Variants in TTC13 observed in about 807,000 individuals in gnomAD.
TTC13 encodes the protein tetratricopeptide repeat domain 13, also known as tetratricopeptide repeat protein 13.
TTC13 carries 62 observed loss-of-function variants against 120.0 expected under a neutral mutation model. That is an observed-to-expected ratio of 0.52 (90% CI 0.42 to 0.64). TTC13 has a LOEUF of 0.64. TTC13 is among the 30% of genes least tolerant of loss of function. TTC13 has a pLI of 0.00. For missense variants in TTC13, 824 were observed against 1,050.2 expected (o/e 0.78, Z 2.98); for synonymous variants, 384 against 393.5 (o/e 0.98, Z 0.28).
intron 4 of TTC13, among the ~76,000 whole-genome samples, chr1:230,952,483 C>T (rs540421839): frequency 3.9e-5 from 6 of 152,180 alleles, no homozygotes; most frequent in Admixed American, 2.0e-4. Context: ...GTCTGAACTG[C>T]GAGCAAAGCA....
At position 230,924,903 on chromosome 1, in the gene TTC13, C is replaced by G. The variant is rs1672917906; in HGVS notation, c.1659G>C (p.Met553Ile). The G allele has an allele frequency of 6.2e-7, 1 of 1,614,110 alleles. No homozygotes were observed. The highest frequency in any genetic ancestry group is 1.3e-5 in the African/African-American group (1 of 74,938). Residue 553 changes from methionine (M) to isoleucine (I), a missense_variant, in exon 14 of 23, where the codon ATG (methionine) becomes ATC (isoleucine). Met to Ile is a conservative substitution (Grantham distance 10). Coordinates refer to ENST00000366661, the MANE Select transcript of TTC13 (RefSeq NM_024525.5). ...QRTWTNSKVRMNGKTRLMQWR... is the reference protein window; with the variant it reads ...QRTWTNSKVRINGKTRLMQWR... Reference sequence around the variant, plus strand: ...ACTGCATCAACCGTGTCTTCCCATTCATTCGAACTTTCGAGTTGGTCCATG... The same window carrying G: ...ACTGCATCAACCGTGTCTTCCCATTGATTCGAACTTTCGAGTTGGTCCATG...
rs762634492 is a variant in TTC13, at chr1:230,924,965, A to G, written c.1597T>C (p.Leu533=). 6.2e-7 allele frequency: 1 copy of G among 1,614,198 alleles called. No individual in the cohort carries two copies. Among genetic ancestry groups the G allele is most frequent in the Non-Finnish European group, 8.5e-7 (1 of 1,180,032 alleles). The change falls in exon 14 of 23, where the codon TTG becomes CTG. Residue 533 remains leucine (L), a synonymous_variant. Transcript: ENST00000366661. The stretch of plus-strand genomic sequence containing the variant: ...GCTTGCATGACCTCCAATGCGGCCA[A>G]ACCCATAGCTACGAGAAAGGAATAT... ...PNKRIHRAMG[L]AALEVMQAVQ...
intron 11 of TTC13, among the ~76,000 whole-genome samples, chr1:230,930,033 C>A (rs911594224): frequency 6.6e-6 from 1 of 152,214 alleles, no homozygotes; most frequent in African/African-American, 2.4e-5. Flanking sequence ...CAAACTGATA[C>A]TTGATTCAAT....
chr1:230,925,374 T>A (rs1672962600), intron 13 of TTC13, 143 bp downstream of exon 13: 2 of 1,008,032 alleles, frequency 2.0e-6, no homozygotes, highest in Non-Finnish European at 2.9e-6. Context: ...TCAGTTTGAA[T>A]GATTCTACAC....
chr1:230,958,264 G>T lies in TTC13; in HGVS notation c.402C>A (p.Phe134Leu). The T allele has an allele frequency of 6.2e-7, 1 of 1,609,606 alleles. No homozygotes were observed. Residue 134 changes from phenylalanine to leucine, a missense_variant, in exon 3 of 23, where the codon TTC (phenylalanine) becomes TTA (leucine). By Grantham distance (22) the Phe-to-Leu change is conservative. Transcript: ENST00000366661. ...TGCTGTCATTATCAGTGGCAAACGG[G>T]AATCTCTTCTGTTCTGCAATAGACT... is the stretch of plus-strand genomic sequence containing the variant. ...QAKSIAEQKR[F>L]PFATDNDSTN...
intron 1 of TTC13, among the ~76,000 whole-genome samples, chr1:230,966,524 A>C (rs986920449): frequency 1.3e-5 from 2 of 152,216 alleles, no homozygotes; most frequent in Non-Finnish European, 2.9e-5. Context: ...GATTCAATAC[A>C]TATTTGTTGA....
rs752186004 is a variant in TTC13 at position 230,908,743 on chromosome 1, T to C, written c.2437A>G (p.Lys813Glu). ...AAGTTCATCCAGCTTTTGGCGACTT[T>C]GCTAAAGGCCTCTGAACCAGGGGCT... ...MTAPGSEAFS[K>E]VAKSWMNLKS... The change falls in exon 22 of 23, where the codon AAA becomes GAA. Residue 813 changes from lysine to glutamate, a missense_variant. Lys to Glu is a moderately conservative substitution (Grantham distance 56, BLOSUM62 1). This residue lies in a region of TTC13 where 226 missense variants were observed against 259.1 expected (regional missense o/e 0.87). Transcript: ENST00000366661. The C allele has an allele frequency of 8.1e-6, 13 of 1,613,762 alleles. No individual in the cohort carries two copies. In the East Asian group the frequency reaches 2.7e-4, roughly 33 times the overall value.
Position 230,971,563 on chromosome 1 carries a change from G to A in TTC13, c.271+6997C>T, listed in dbSNP as rs74143523. 9.7e-3 allele frequency among the ~76,000 whole-genome samples: 1,473 copies of A among 152,220 alleles called. 25 individuals carry two copies. Among genetic ancestry groups the A allele is most frequent in the African/African-American group, 0.033 (1,388 of 41,538 alleles). ...AAATTGAAAATAGACACTGCCTGCT[G>A]ATTATTAAATTATAAAGTAAACATA... On this transcript the variant is annotated intron_variant, in intron 1 of 22. Coordinates refer to ENST00000366661, the MANE Select transcript of TTC13 (RefSeq NM_024525.5).
At chr1:230,948,400 C>CAAAAAAAAAAA (rs57051929) in intron 4 of TTC13, among the ~76,000 whole-genome samples, 35 of 96,500 alleles carry the variant, frequency 3.6e-4, no homozygotes, top group Non-Finnish European at 6.5e-4. Context: ...ACTCACAATA[C>CAAAAAAAAAAA]AAAAAAAAAA....
intron 18 of TTC13, among the ~76,000 whole-genome samples, chr1:230,914,829 T>C (rs898905450): frequency 6.6e-6 from 1 of 152,196 alleles, no homozygotes; most frequent in Non-Finnish European, 1.5e-5. Flanking sequence ...AGTAGGCTAT[T>C]AAGTTTTGGG....
intron 12 of TTC13, 128 bp downstream of exon 12, chr1:230,928,809 T>C: frequency 1.2e-6 from 1 of 859,802 alleles, no homozygotes; most frequent in South Asian, 1.7e-5. Flanking sequence ...GTATGCTTGA[T>C]TGAACTCCTG....
chr1:230,973,788 A>G (rs969641192), intron 1 of TTC13, among the ~76,000 whole-genome samples: 2 of 152,222 alleles, frequency 1.3e-5, no homozygotes, highest in African/African-American at 2.4e-5. Context: ...TGGTAAGAAG[A>G]GCAGAGGGGC....
rs1474904038 is a variant in TTC13, at chr1:230,908,712, C to T, written c.2468G>A (p.Ser823Asn). ...GTGTGGACCCCCCTCAAGTAGTTAC[C>T]TTTTCAAGTTCATCCAGCTTTTGGC... ...KVAKSWMNLK[S>N]ISPSYKTLPS... Residue 823 changes from serine to asparagine, a missense_variant and splice_region_variant, in exon 22 of 23, where the codon AGT (serine) becomes AAT (asparagine). Around this residue, in one of 4 missense-constraint regions of TTC13, gnomAD observed 226 missense variants for 259.1 expected, o/e 0.87. Coordinates refer to ENST00000366661, the MANE Select transcript of TTC13 (RefSeq NM_024525.5). The T allele has an allele frequency of 6.2e-7, 1 of 1,612,772 alleles. No homozygotes were observed. The highest frequency in any genetic ancestry group is 8.5e-7 in the Non-Finnish European group (1 of 1,178,992).
At chr1:230,925,120 G>T in intron 13 of TTC13, 147 bp from the exon 14 acceptor site, 1 of 1,007,216 alleles carries the variant, frequency 9.9e-7, no homozygotes, top group Non-Finnish European at 1.5e-6. Flanking sequence ...GCACGTTTCA[G>T]TCATGATGGT....
intron 3 of TTC13, among the ~76,000 whole-genome samples, chr1:230,955,383 G>A (rs1164495832): frequency 6.6e-6 from 1 of 152,026 alleles, no homozygotes; most frequent in Non-Finnish European, 1.5e-5. Flanking sequence ...GTAAAAATAG[G>A]CCAGGCGTGG....
chr1:230,913,842 C>T (rs16853141), intron 18 of TTC13, among the ~76,000 whole-genome samples: 8,549 of 152,208 alleles, frequency 0.056, 468 homozygotes, highest in African/African-American at 0.14. Context: ...GCATTCCAGT[C>T]GGACTAGCAG....
At chr1:230,961,008 A>G (rs6541245) in intron 2 of TTC13, among the ~76,000 whole-genome samples, 58,157 of 152,144 alleles carry the variant, frequency 0.38, 11,619 homozygotes, top group African/African-American at 0.51. Context: ...GCAAATTAAA[A>G]GTTCTATGTC....
intron 20 of TTC13, chr1:230,911,232 G>A (rs1364363813): frequency 6.9e-6 from 2 of 291,174 alleles, no homozygotes. Flanking sequence ...AACTTGTGTT[G>A]AATGGATGAA....
intron 2 of TTC13, among the ~76,000 whole-genome samples, chr1:230,959,538 C>T (rs1273658398): frequency 6.6e-6 from 1 of 152,168 alleles, no homozygotes; most frequent in African/African-American, 2.4e-5. Flanking sequence ...TGCGCCACCA[C>T]CCCTGCTAAT....
Sources: gnomAD v4.1 joint callset for allele counts (sites outside exome capture counted in the v4.1 genomes callset) on GRCh38, gnomAD v4.1.1 for gene constraint, gnomAD v4.1.1 regional missense constraint, MANE v1.5 for transcripts, NCBI Gene and HGNC (gene_info 2026-07-23, HGNC 2026-07-21) for gene names.